SPTBN4: variants seen among roughly 807,000 people sequenced by gnomAD.
SPTBN4 encodes spectrin beta, non-erythrocytic 4.
Under a neutral mutation model 277.8 loss-of-function variants are expected in SPTBN4, and 96 were observed. The ratio of observed to expected loss-of-function variants is 0.35; its 90% CI spans 0.29 to 0.41. The LOEUF is 0.41. SPTBN4 is among the 10% of genes least tolerant of loss of function. The probability of loss-of-function intolerance (pLI) is 1.00; values close to 1 mark genes in which losing one functional copy is unlikely to be tolerated. For synonymous variants in SPTBN4, 1,481 were observed against 1,580.3 expected (o/e 0.94, Z 1.49); for missense variants, 3,006 against 3,595.7 (o/e 0.84, Z 4.19).
Position 40,515,487 on chromosome 19 carries a change from C to T in SPTBN4, c.2903+39C>T. The stretch of plus-strand genomic sequence containing the variant: ...GGGCTGGGAGTCCCTCCCATCCTTC[C>T]CTTCCACACTCACACAGCCATGGAC... On this transcript the variant is annotated intron_variant, in intron 15 of 35. Transcript: ENST00000598249. The surrounding 1 kb of genome is among the most constrained non-coding windows in gnomAD (Gnocchi z 4.1). The T allele has an allele frequency of 6.6e-7, 1 of 1,525,536 alleles. No individual in the cohort carries two copies. Among genetic ancestry groups the T allele is most frequent in the African/African-American group, 1.4e-5 (1 of 72,260 alleles). The allele number at this position is 1,525,536 out of a possible 1,614,324, so 94.5% of individuals were successfully genotyped here.
chr19:40,481,877 G>C (rs2080015899), intron 2 of SPTBN4, among the ~76,000 whole-genome samples: 1 of 151,944 alleles, frequency 6.6e-6, no homozygotes, highest in Non-Finnish European at 1.5e-5. Context: ...AGAAGGTGAA[G>C]CACATTTTCA....
intron 27 of SPTBN4, among the ~76,000 whole-genome samples, chr19:40,563,573 C>T (rs1465033215): frequency 6.6e-6 from 1 of 151,590 alleles, no homozygotes; most frequent in African/African-American, 2.4e-5. Context: ...AACAGGTAGT[C>T]AATATTAAAA....
In SPTBN4 at chr19:40,560,817, C is replaced by T. The variant is rs552371408; in HGVS notation, c.5915+414C>T. 3 of 966,254 alleles carry T rather than the reference C, an allele frequency of 3.1e-6. No individual in the cohort carries two copies. Among genetic ancestry groups the T allele is most frequent in the East Asian group, 1.3e-4 (2 of 15,318 alleles). The allele number at this position is 966,254 out of a possible 1,614,324, so 59.9% of individuals were successfully genotyped here. ...TCACATAGTGGTTGGATGTGAGTGT[C>T]CAGCAGAATCCTGTCCCCTGGTGAT... On this transcript the variant is annotated intron_variant, in intron 27 of 35. Coordinates refer to ENST00000598249, the MANE Select transcript of SPTBN4 (RefSeq NM_020971.3). This position sits in a 1 kb window ranked among gnomAD's most constrained non-coding sequence, Gnocchi z 5.2.
In SPTBN4 at chr19:40,550,811, G is replaced by A. The variant is rs1259116239; in HGVS notation, c.4674+484G>A. Among the ~76,000 whole-genome samples, 7 of 152,064 alleles carry A rather than the reference G, an allele frequency of 4.6e-5. No individual in the cohort carries two copies. The South Asian group carries it at 6.2e-4, about 14-fold the overall frequency. ...TGAGATTACAGGTGTGAGCCACCGC[G>A]CCCGGCCTGTTTGTTTTTCTGCATG... is the stretch of plus-strand genomic sequence containing the variant. On this transcript the variant is annotated intron_variant, in intron 22 of 35. Transcript: ENST00000598249.
At chr19:40,556,680 CTT>C (rs1270235829) in intron 25 of SPTBN4, among the ~76,000 whole-genome samples, 2 of 152,016 alleles carry the variant, frequency 1.3e-5, no homozygotes, top group African/African-American at 4.8e-5. Flanking sequence ...AATCCCAACA[CTT>C]TGGGAGGCCA....
At chr19:40,481,665 G>A (rs562608470) in intron 2 of SPTBN4, among the ~76,000 whole-genome samples, 6 of 152,096 alleles carry the variant, frequency 3.9e-5, no homozygotes, top group South Asian at 2.1e-4. Context: ...TAGTAGAGAC[G>A]GGGTTTCGCC....
intron 2 of SPTBN4, among the ~76,000 whole-genome samples, chr19:40,474,402 G>C (rs553457757): frequency 6.6e-6 from 1 of 151,032 alleles, no homozygotes; most frequent in African/African-American, 2.4e-5. Context: ...TCTCAGCCTT[G>C]GGCCAACCAG....
rs1195688986 is a variant in SPTBN4 at position 40,560,102 on chromosome 19, G to A, written c.5671-57G>A. On this transcript the variant is annotated intron_variant, in intron 26 of 35. Transcript: ENST00000598249. This position sits in a 1 kb window ranked among gnomAD's most constrained non-coding sequence, Gnocchi z 5.2. Reference sequence around the variant, plus strand: ...TCTGCGCTGGAGCAGATGGTGGGAGGGAGGGCACAGCCTGGGCCCCGTGGA... The same window carrying A: ...TCTGCGCTGGAGCAGATGGTGGGAGAGAGGGCACAGCCTGGGCCCCGTGGA... 1.4e-5 allele frequency: 21 copies of A among 1,515,716 alleles called. No homozygotes were observed. The East Asian group carries it at 4.4e-4, about 32-fold the overall frequency. 93.9% of individuals were successfully genotyped at this position (1,515,716 alleles called of 1,614,324 possible). A position where few individuals can be genotyped will look rare whatever the true frequency, so the allele number is the denominator to read the frequency against.
At position 40,519,725 on chromosome 19, in the gene SPTBN4, G is replaced by T. The variant is rs1455741668; in HGVS notation, c.3228G>T (p.Ala1076=). Residue 1076 remains alanine, a synonymous_variant, in exon 16 of 36, where the codon GCG becomes GCT. Transcript: ENST00000598249. This position sits in a 1 kb window ranked among gnomAD's most constrained non-coding sequence, Gnocchi z 5.7. Reference sequence around the variant, plus strand: ...CCGAGTGGGGCGCGCTAGCTAGCGCGGCTCAGGCCTGCGGCGAGGCGGTGG... The same window carrying T: ...CCGAGTGGGGCGCGCTAGCTAGCGCTGCTCAGGCCTGCGGCGAGGCGGTGG... The part of the protein sequence containing the change: ...LGAEWGALAS[A]AQACGEAVAA... 3 of 1,395,036 alleles carry T rather than the reference G, an allele frequency of 2.2e-6. No homozygotes were observed. The allele number at this position is 1,395,036 out of a possible 1,614,324, so 86.4% of individuals were successfully genotyped here. A position where few individuals can be genotyped will look rare whatever the true frequency, so the allele number is the denominator to read the frequency against.
intron 32 of SPTBN4, among the ~76,000 whole-genome samples, chr19:40,569,985 C>G (rs1318417430): frequency 6.7e-6 from 1 of 149,992 alleles, no homozygotes; most frequent in Non-Finnish European, 1.5e-5. Flanking sequence ...GACACACACA[C>G]ACAGACACAC....
chr19:40,467,638 G>T (rs1244346224), intron 1 of SPTBN4, among the ~76,000 whole-genome samples: 1 of 98,216 alleles, frequency 1.0e-5, no homozygotes, highest in Non-Finnish European at 2.2e-5. Flanking sequence ...GGGGGGGGGT[G>T]TTGGGGGGAG....
At chr19:40,526,167 C>CTTTTTTTTT (rs1168105162) in intron 17 of SPTBN4, among the ~76,000 whole-genome samples, 4 of 93,158 alleles carry the variant, frequency 4.3e-5, no homozygotes, top group Non-Finnish European at 4.1e-5. Context: ...AGGTGCTGTT[C>CTTTTTTTTT]TTTTTTTTTT....
At chr19:40,482,476 C>A (rs1449144805) in intron 2 of SPTBN4, among the ~76,000 whole-genome samples, 1 of 152,068 alleles carries the variant, frequency 6.6e-6, no homozygotes, top group Non-Finnish European at 1.5e-5. Context: ...GAACTGGGAC[C>A]TCCTGTAAGA....
intron 3 of SPTBN4, among the ~76,000 whole-genome samples, chr19:40,488,807 TTCTC>T (rs1223394436): frequency 6.6e-6 from 1 of 151,672 alleles, no homozygotes; most frequent in South Asian, 2.1e-4. Context: ...GAGACTCTGT[TTCTC>T]TCTCTTTTTT....
rs759387793 is a variant in SPTBN4 at position 40,504,142 on chromosome 19, G to C, written c.1665+10G>C. ...GATGGAGGAGATGCAGGTGCCGGCG[G>C]GGGGGCGGGGATGCGGGTGGAGTGC... On this transcript the variant is annotated intron_variant, in intron 12 of 35. Transcript: ENST00000598249. 1.4e-4 allele frequency: 182 copies of C among 1,278,864 alleles called. 3 individuals are homozygous for C. The highest frequency in any genetic ancestry group is 4.1e-4 in the African/African-American group (24 of 57,918). The allele number at this position is 1,278,864 out of a possible 1,614,324, so 79.2% of individuals were successfully genotyped here. A position where few individuals can be genotyped will look rare whatever the true frequency, so the allele number is the denominator to read the frequency against.
At position 40,504,038 on chromosome 19, in the gene SPTBN4, T is replaced by C. The variant is rs1384510824; in HGVS notation, c.1571T>C (p.Val524Ala). 1 of 1,610,504 alleles carries C rather than the reference T, an allele frequency of 6.2e-7. No individual in the cohort carries two copies. The highest frequency in any genetic ancestry group is 8.5e-7 in the Non-Finnish European group (1 of 1,178,070). The change falls in exon 12 of 36, where the codon GTG (valine) becomes GCG (alanine). Residue 524 changes from valine (V) to alanine (A), a missense_variant. Coordinates refer to ENST00000598249, the MANE Select transcript of SPTBN4 (RefSeq NM_020971.3). ...LRQWALLTGL[V>A]GARRTRLEQN... Reference sequence around the variant, plus strand: ...CAGTGGGCCCTGCTAACTGGGCTTGTGGGTGCCCGGCGGACACGACTTGAG... The same window carrying C: ...CAGTGGGCCCTGCTAACTGGGCTTGCGGGTGCCCGGCGGACACGACTTGAG...
chr19:40,504,756 A>T (rs1356824703), intron 12 of SPTBN4, among the ~76,000 whole-genome samples: 1 of 151,790 alleles, frequency 6.6e-6, no homozygotes, highest in Non-Finnish European at 1.5e-5. Context: ...GCTGAGGCTC[A>T]AGAATTGCTT....
chr19:40,508,693 A>AATAT (rs746375770), intron 13 of SPTBN4, among the ~76,000 whole-genome samples: 26 of 150,448 alleles, frequency 1.7e-4, no homozygotes, highest in African/African-American at 5.6e-4. Context: ...ATCTCAAAGA[A>AATAT]ATATATATAT....
chr19:40,519,474 GTGC>G lies in SPTBN4; in HGVS notation c.2980_2982del (p.Leu994del). 1 of 1,607,672 alleles carries G rather than the reference GTGC, an allele frequency of 6.2e-7. No homozygotes were observed. On this transcript the variant is annotated inframe_deletion, in exon 16 of 36. Transcript: ENST00000598249. This position sits in a 1 kb window ranked among gnomAD's most constrained non-coding sequence, Gnocchi z 5.7. ...CGCGGTGCTGCTGGTGGAGAACCAC[GTGC>G]TGGAGGTGGCCGAGGTGCGCGCCCA... is the stretch of plus-strand genomic sequence containing the variant.
Sources: gnomAD v4.1 joint callset for allele counts (sites outside exome capture counted in the v4.1 genomes callset) on GRCh38, gnomAD v4.1.1 for gene constraint, Gnocchi (gnomAD v3.1) non-coding constraint, MANE v1.5 for transcripts, NCBI Gene and HGNC (gene_info 2026-07-23, HGNC 2026-07-21) for gene names.